CHAT: variants seen among roughly 807,000 people sequenced by gnomAD.
The protein encoded by CHAT is acetyl CoA:choline O-acetyltransferase.
A neutral mutation model predicts 76.9 loss-of-function variants in CHAT; 61 were observed. The observed-to-expected ratio is 0.79, with a 90% confidence interval of 0.65 to 0.98. The LOEUF is 0.98. Among genes scored for constraint, CHAT ranks in the 50% least tolerant of loss-of-function variants. CHAT has a pLI of 0.00. For synonymous variants in CHAT, 407 were observed against 397.4 expected, an observed-to-expected ratio of 1.02 and a Z score of -0.29; for missense variants, 946 against 986.9, an observed-to-expected ratio of 0.96 and a Z score of 0.56.
chr10:49,651,716 G>A lies in CHAT; in HGVS notation c.1512-168G>A, dbSNP rs1407100142. On this transcript the variant is annotated intron_variant, in intron 10 of 14. Coordinates refer to ENST00000337653, the MANE Select transcript of CHAT (RefSeq NM_020549.5). ...TGGTTTGTCTTCTGACACTTTCATA[G>A]GTCAAGGCATGTCTCTGACACCTCA... 31 of 656,440 alleles carry A rather than the reference G, an allele frequency of 4.7e-5. No individual in the cohort carries two copies. The South Asian group carries it at 5.9e-4, about 12-fold the overall frequency. The allele number at this position is 656,440 out of a possible 1,614,324, so 40.7% of individuals were successfully genotyped here. A position where few individuals can be genotyped will look rare whatever the true frequency, so the allele number is the denominator to read the frequency against.
chr10:49,649,575 C>T lies in CHAT; in HGVS notation c.1450C>T (p.Arg484Trp), dbSNP rs778801148. 6 of 1,613,890 alleles carry T rather than the reference C, an allele frequency of 3.7e-6. No homozygotes were observed. Among genetic ancestry groups the T allele is most frequent in the East Asian group, 2.2e-5 (1 of 44,888 alleles). Residue 484 changes from arginine to tryptophan, a missense_variant, in exon 10 of 15, where the codon CGG (arginine) becomes TGG (tryptophan). Physicochemically the swap from Arg to Trp is moderately radical, Grantham distance 101. Transcript: ENST00000337653. The part of the protein sequence containing the change: ...VSELPAPRRL[R>W]WKCSPEIQGH... ...CGAGCTCCCCGCCCCCCGGAGGCTGCGGTGGAAATGCTCCCCGGAAATTCA... is the reference window on the plus strand; with the variant it reads ...CGAGCTCCCCGCCCCCCGGAGGCTGTGGTGGAAATGCTCCCCGGAAATTCA...
At chr10:49,631,537 A>G (rs962875296) in intron 7 of CHAT, among the ~76,000 whole-genome samples, 2 of 152,230 alleles carry the variant, frequency 1.3e-5, no homozygotes, top group Non-Finnish European at 2.9e-5. Flanking sequence ...AATTTGGCCC[A>G]TAAGAGGAAT....
chr10:49,632,617 T>G (rs1839162654), intron 7 of CHAT, among the ~76,000 whole-genome samples: 1 of 152,120 alleles, frequency 6.6e-6, no homozygotes, highest in South Asian at 2.1e-4. Flanking sequence ...CCAAGGAGAC[T>G]GCGCTCAGAT....
At chr10:49,663,408 T>C (rs902289866) in intron 14 of CHAT, among the ~76,000 whole-genome samples, 1 of 152,108 alleles carries the variant, frequency 6.6e-6, no homozygotes, top group African/African-American at 2.4e-5. Flanking sequence ...GCCCAGCAGG[T>C]CTGCAGTGAA....
rs1839216238 is a variant in CHAT at position 49,634,084 on chromosome 10, A to C, written c.1111+6299A>C. Among the ~76,000 whole-genome samples the C allele has an allele frequency of 3.3e-5, 5 of 152,120 alleles. No homozygotes were observed. In the South Asian group the frequency reaches 1.0e-3, roughly 32 times the overall value. On this transcript the variant is annotated intron_variant, in intron 7 of 14. Coordinates refer to ENST00000337653, the MANE Select transcript of CHAT (RefSeq NM_020549.5). ...CAGAAATACCTCCCGAGCTCTCAAGACTGAATGTGATTTTCTTGCTCTGGA... is the reference window on the plus strand; with the variant it reads ...CAGAAATACCTCCCGAGCTCTCAAGCCTGAATGTGATTTTCTTGCTCTGGA...
At chr10:49,641,434 C>T (rs1466890360) in intron 7 of CHAT, among the ~76,000 whole-genome samples, 1 of 152,144 alleles carries the variant, frequency 6.6e-6, no homozygotes, top group Admixed American at 6.5e-5. Context: ...GTATATGTTC[C>T]TGGAATCGGA....
Position 49,652,142 on chromosome 10 carries a change from A to G in CHAT, c.1634+136A>G, listed in dbSNP as rs1013969294. On this transcript the variant is annotated intron_variant, in intron 11 of 14. Coordinates refer to ENST00000337653, the MANE Select transcript of CHAT (RefSeq NM_020549.5). ...AAGACTGGAGAGGGACTGAGGCTGC[A>G]TGAAGGAGGAGCAGACTGAACTGGG... The G allele has an allele frequency of 5.4e-5, 64 of 1,193,696 alleles. 1 individual carries two copies. The highest frequency in any genetic ancestry group is 7.0e-5 in the Non-Finnish European group (58 of 824,934). The allele number at this position is 1,193,696 out of a possible 1,614,324, so 73.9% of individuals were successfully genotyped here.
chr10:49,644,354 G>A (rs1439002133), intron 7 of CHAT, among the ~76,000 whole-genome samples: 1 of 152,200 alleles, frequency 6.6e-6, no homozygotes, highest in African/African-American at 2.4e-5. Context: ...ATTCTCCCTT[G>A]TGGGCGGTAG....
Position 49,627,773 on chromosome 10 carries a change from G to T in CHAT, c.1099G>T (p.Val367Phe). The T allele has an allele frequency of 6.2e-7, 1 of 1,613,758 alleles. No individual in the cohort carries two copies. Among genetic ancestry groups the T allele is most frequent in the Non-Finnish European group, 8.5e-7 (1 of 1,179,876 alleles). ...GAGCGAGTGGGCCGAGGCCAGGACG[G>T]TCCTCGTGAAAGGTCAGCCGCAGTG... ...GRSEWAEART[V>F]LVKDSTNRDS... The change falls in exon 7 of 15, where the codon GTC becomes TTC. Residue 367 changes from valine (V) to phenylalanine (F), a missense_variant. Coordinates refer to ENST00000337653, the MANE Select transcript of CHAT (RefSeq NM_020549.5).
chr10:49,630,990 C>A (rs1403032695), intron 7 of CHAT, among the ~76,000 whole-genome samples: 2 of 152,144 alleles, frequency 1.3e-5, no homozygotes, highest in Non-Finnish European at 2.9e-5. Context: ...CTGTGTTGAG[C>A]TCATATATGA....
At chr10:49,655,324 C>G in intron 12 of CHAT, 62 bp from the exon 13 acceptor site, 1 of 1,612,442 alleles carries the variant, frequency 6.2e-7, no homozygotes, top group South Asian at 1.1e-5. Flanking sequence ...CCTCTGACCA[C>G]CAGATGCTTT....
Position 49,625,150 on chromosome 10 carries a change from A to C in CHAT, c.753-323A>C, listed in dbSNP as rs573240619. Among the ~76,000 whole-genome samples, 10 of 152,334 alleles carry C rather than the reference A, an allele frequency of 6.6e-5. No homozygotes were observed. In the South Asian group the frequency reaches 2.1e-3, roughly 32 times the overall value. ...GGGGAAGGAGTTTTCTGAATAGAAC[A>C]GTTGAGTTCTGGGGTTGGGGCAAAG... On this transcript the variant is annotated intron_variant, in intron 5 of 14. Coordinates refer to ENST00000337653, the MANE Select transcript of CHAT (RefSeq NM_020549.5).
intron 1 of CHAT, 78 bp downstream of exon 1, chr10:49,614,553 A>T: frequency 8.2e-7 from 1 of 1,223,016 alleles, no homozygotes; most frequent in Non-Finnish European, 1.1e-6. Context: ...CTATCCAGGG[A>T]CAGCACCGGG....
rs1840311466 is a variant in CHAT, at chr10:49,665,039, A to G, written c.2240A>G (p.Gln747Arg). The part of the protein sequence containing the change: ...EKATRPSQGH[Q>R]P ...GCCACGAGGCCCAGCCAGGGACACCAACCTTGACTCCTGCCACTAGGTTTC... is the reference window on the plus strand; with the variant it reads ...GCCACGAGGCCCAGCCAGGGACACCGACCTTGACTCCTGCCACTAGGTTTC... Residue 747 changes from glutamine to arginine, a missense_variant, in exon 15 of 15, where the codon CAA (glutamine) becomes CGA (arginine). This residue lies in a region of CHAT where 349 missense variants were observed against 393.9 expected (regional missense o/e 0.89). Transcript: ENST00000337653. The G allele has an allele frequency of 6.2e-7, 1 of 1,613,744 alleles. No homozygotes were observed. Among genetic ancestry groups the G allele is most frequent in the African/African-American group, 1.3e-5 (1 of 74,926 alleles).
At chr10:49,661,040 G>A (rs908127854) in intron 13 of CHAT, among the ~76,000 whole-genome samples, 12 of 152,086 alleles carry the variant, frequency 7.9e-5, no homozygotes, top group Admixed American at 3.3e-4. Flanking sequence ...GATGAAATCT[G>A]TCCCCCACTA....
chr10:49,626,849 G>A (rs531648913), intron 6 of CHAT, among the ~76,000 whole-genome samples: 92 of 152,212 alleles, frequency 6.0e-4, no homozygotes, highest in Non-Finnish European at 1.0e-3. Flanking sequence ...GCTACAAAAT[G>A]ACAAAACCAC....
At position 49,664,862 on chromosome 10, in the gene CHAT, C is replaced by A. The variant is rs1287494073; in HGVS notation, c.2063C>A (p.Thr688Asn). The change falls in exon 15 of 15, where the codon ACC (threonine) becomes AAC (asparagine). Residue 688 changes from threonine to asparagine, a missense_variant. Thr to Asn is a moderately conservative substitution (Grantham distance 65). This residue lies in a region of CHAT where 349 missense variants were observed against 393.9 expected (regional missense o/e 0.89). Coordinates refer to ENST00000337653, the MANE Select transcript of CHAT (RefSeq NM_020549.5). The part of the protein sequence containing the change: ...YGACYNPQPE[T>N]ILFCISSFHS... ...GCCTGCTACAACCCCCAGCCAGAGA[C>A]CATCCTTTTCTGCATCTCTAGCTTT... 1 of 1,614,230 alleles carries A rather than the reference C, an allele frequency of 6.2e-7. No individual in the cohort carries two copies. Among genetic ancestry groups the A allele is most frequent in the Admixed American group, 1.7e-5 (1 of 60,030 alleles).
At chr10:49,632,891 C>T (rs994702021) in intron 7 of CHAT, among the ~76,000 whole-genome samples, 5 of 152,190 alleles carry the variant, frequency 3.3e-5, no homozygotes, top group African/African-American at 9.7e-5. Context: ...GGCTGCCTGC[C>T]GCACCCCTCA....
chr10:49,653,638 A>G (rs1413247479), intron 11 of CHAT, among the ~76,000 whole-genome samples: 2 of 152,178 alleles, frequency 1.3e-5, no homozygotes, highest in Non-Finnish European at 2.9e-5. Flanking sequence ...GTCATCCCAC[A>G]TGAGGACTGG....
Sources: gnomAD v4.1 joint callset for allele counts (sites outside exome capture counted in the v4.1 genomes callset) on GRCh38, gnomAD v4.1.1 for gene constraint, gnomAD v4.1.1 regional missense constraint, MANE v1.5 for transcripts, NCBI Gene and HGNC (gene_info 2026-07-23, HGNC 2026-07-21) for gene names.